PTPRT: variants seen among roughly 807,000 people sequenced by gnomAD.
PTPRT encodes the protein protein tyrosine phosphatase receptor type T, also known as receptor-type tyrosine-protein phosphatase T.
Under a neutral mutation model 176.8 loss-of-function variants are expected in PTPRT, and 56 were observed. The ratio of observed to expected loss-of-function variants is 0.32; its 90% CI spans 0.26 to 0.40. The LOEUF is 0.40. Ranked by LOEUF, PTPRT falls within the 10% of genes least tolerant of loss-of-function variation. PTPRT has a pLI of 1.00. For synonymous variants in PTPRT, 783 were observed against 739.0 expected (o/e 1.06, Z -0.96); for missense variants, 1,540 against 1,908.2 (o/e 0.81, Z 3.60).
intron 1 of PTPRT, among the ~76,000 whole-genome samples, chr20:43,108,007 T>C (rs941713575): frequency 6.6e-6 from 1 of 152,120 alleles, no homozygotes; most frequent in Non-Finnish European, 1.5e-5. Context: ...AAATGTTGCA[T>C]AGTGTATTTT....
chr20:42,063,198 G>T, the PTPRT span, among the ~76,000 whole-genome samples: 1 of 152,076 alleles, frequency 6.6e-6, no homozygotes, highest in South Asian at 2.1e-4. Context: ...TTTTTGTGAC[G>T]AGGGCATTTT....
intron 1 of PTPRT, among the ~76,000 whole-genome samples, chr20:42,986,382 G>A (rs1983581494): frequency 6.6e-6 from 1 of 152,098 alleles, no homozygotes; most frequent in Admixed American, 6.5e-5. Context: ...GTCCATTTTA[G>A]GACGACCAGC....
chr20:42,652,573 T>C (rs1264656367), intron 7 of PTPRT, among the ~76,000 whole-genome samples: 5 of 152,230 alleles, frequency 3.3e-5, no homozygotes, highest in African/African-American at 1.2e-4. Context: ...GTCCCAGAGC[T>C]CCTAGAAACT....
At chr20:42,251,276 A>G (rs1237612345) in intron 13 of PTPRT, among the ~76,000 whole-genome samples, 1 of 152,178 alleles carries the variant, frequency 6.6e-6, no homozygotes, top group African/African-American at 2.4e-5. Context: ...GAGCCCCTAG[A>G]GAGGATCCTA....
intron 1 of PTPRT, among the ~76,000 whole-genome samples, chr20:43,010,814 G>C (rs1003393695): frequency 2.0e-5 from 3 of 151,904 alleles, no homozygotes; most frequent in African/African-American, 7.3e-5. Flanking sequence ...CACGTATCAA[G>C]GACAGTGTAT....
In PTPRT at chr20:42,852,484, G is replaced by A. The variant is rs973765310; in HGVS notation, c.214+33323C>T. Among the ~76,000 whole-genome samples the A allele has an allele frequency of 2.6e-5, 4 of 152,078 alleles. No individual in the cohort carries two copies. The South Asian group carries it at 6.2e-4, about 24-fold the overall frequency. On this transcript the variant is annotated intron_variant, in intron 2 of 30. Transcript: ENST00000373187. ...TTTTTTAGAAATTTATTTCGTATCT[G>A]GTCCCTAAAACCTCTTGCTAATGCC...
At chr20:43,010,217 A>T (rs1235155627) in intron 1 of PTPRT, among the ~76,000 whole-genome samples, 1 of 152,026 alleles carries the variant, frequency 6.6e-6, no homozygotes, top group Non-Finnish European at 1.5e-5. Flanking sequence ...CCCAATCATC[A>T]GCCTGTCTTC....
intron 1 of PTPRT, among the ~76,000 whole-genome samples, chr20:42,972,695 A>AAAAAAAAAAAAC: frequency 6.6e-6 from 1 of 151,138 alleles, no homozygotes; most frequent in African/African-American, 2.4e-5. Context: ...AAAAAAAAAA[A>AAAAAAAAAAAAC]AAAGGAAGAA....
At chr20:42,831,356 A>G (rs1332557076) in intron 2 of PTPRT, among the ~76,000 whole-genome samples, 1 of 152,208 alleles carries the variant, frequency 6.6e-6, no homozygotes, top group Non-Finnish European at 1.5e-5. Context: ...CCATTTCCTT[A>G]TACCCTATAC....
intron 16 of PTPRT, among the ~76,000 whole-genome samples, chr20:42,194,227 C>T (rs1006187466): frequency 2.0e-5 from 3 of 152,164 alleles, no homozygotes; most frequent in Non-Finnish European, 2.9e-5. Flanking sequence ...CAGACCGTGC[C>T]ACATGGCTTA....
downstream of PTPRT, among the ~76,000 whole-genome samples, chr20:42,068,482 C>T (rs140291173): frequency 2.6e-3 from 391 of 152,258 alleles, 2 homozygotes; most frequent in African/African-American, 9.0e-3. Context: ...TACATTTCTT[C>T]AAGATTCTCT....
chr20:42,852,984 A>T (rs2078501897), intron 2 of PTPRT, among the ~76,000 whole-genome samples: 1 of 152,218 alleles, frequency 6.6e-6, no homozygotes, highest in South Asian at 2.1e-4. Flanking sequence ...AAAGATGTTC[A>T]AGTGAAGGCA....
chr20:42,550,426 C>A (rs1252361378), intron 7 of PTPRT, among the ~76,000 whole-genome samples: 1 of 151,992 alleles, frequency 6.6e-6, no homozygotes, highest in Non-Finnish European at 1.5e-5. Flanking sequence ...ATTATATGAA[C>A]CATGAAATTA....
the PTPRT span, among the ~76,000 whole-genome samples, chr20:42,052,544 C>T: frequency 6.6e-6 from 1 of 152,182 alleles, no homozygotes; most frequent in East Asian, 1.9e-4. Flanking sequence ...TCAGGTAAGC[C>T]TTCAGCAGAG....
chr20:42,092,640 C>A (rs1345799685), intron 27 of PTPRT, among the ~76,000 whole-genome samples: 1 of 152,176 alleles, frequency 6.6e-6, no homozygotes, highest in Non-Finnish European at 1.5e-5. Context: ...AGACCTGAGG[C>A]TGGCTGAGAT....
rs188375549 is a variant in PTPRT at position 42,527,110 on chromosome 20, C to T, written c.1154-54548G>A. Reference sequence around the variant, plus strand: ...TCCCAAGTGACTGGGACTACAGGCGCCTGCCACTATGTCCAGCTAATTTTT... The same window carrying T: ...TCCCAAGTGACTGGGACTACAGGCGTCTGCCACTATGTCCAGCTAATTTTT... On this transcript the variant is annotated intron_variant, in intron 7 of 30. Coordinates refer to ENST00000373187, the MANE Select transcript of PTPRT (RefSeq NM_007050.6). Among the ~76,000 whole-genome samples, 614 of 151,852 alleles carry T rather than the reference C, an allele frequency of 4.0e-3. 2 individuals are homozygous for T. Among genetic ancestry groups the T allele is most frequent in the Middle Eastern group, 0.01 (3 of 294 alleles).
chr20:42,937,715 C>A (rs1361241478), intron 1 of PTPRT, among the ~76,000 whole-genome samples: 1 of 152,212 alleles, frequency 6.6e-6, no homozygotes, highest in Non-Finnish European at 1.5e-5. Context: ...CTGAGACATA[C>A]TCTGTGAATC....
At chr20:42,577,837 CTGTGTG>C (rs11468271) in intron 7 of PTPRT, among the ~76,000 whole-genome samples, 8 of 139,416 alleles carry the variant, frequency 5.7e-5, no homozygotes, top group African/African-American at 1.6e-4. Flanking sequence ...CTGAGCAAGG[CTGTGTG>C]TGTGTGTGTG....
intron 7 of PTPRT, among the ~76,000 whole-genome samples, chr20:42,615,646 G>T (rs1372457746): frequency 1.5e-5 from 2 of 131,178 alleles, no homozygotes; most frequent in Admixed American, 1.4e-4. Context: ...GTGTGAGATG[G>T]TATCTCATTG....
Sources: allele counts gnomAD v4.1 joint callset (sites outside exome capture counted in the v4.1 genomes callset), GRCh38; gene constraint gnomAD v4.1.1; transcripts MANE v1.5; gene names NCBI Gene and HGNC (gene_info 2026-07-23, HGNC 2026-07-21).